The following SCN4A variants were observed in gnomAD, a reference collection of about 807,000 sequenced individuals.
SCN4A encodes the protein sodium voltage-gated channel alpha subunit 4, also known as sodium channel protein type 4 subunit alpha.
Under a neutral mutation model 162.0 loss-of-function variants are expected in SCN4A, and 83 were observed. That is an observed-to-expected ratio of 0.51 (90% CI 0.43 to 0.61). The LOEUF (loss-of-function observed/expected upper bound fraction) is 0.61. SCN4A is among the 20% of genes least tolerant of loss of function. The pLI is 0.00. For missense variants in SCN4A, 2,196 were observed against 2,462.5 expected (o/e 0.89, Z 2.29); for synonymous variants, 944 against 985.1 (o/e 0.96, Z 0.78).
chr17:63,971,355 A>C, intron 4 of SCN4A, 102 bp from the exon 5 acceptor site: 4 of 722,232 alleles, frequency 5.5e-6, no homozygotes, highest in Non-Finnish European at 7.3e-6. Flanking sequence ...TTCCCAAGAA[A>C]TTGGGGGTAC....
At position 63,964,406 on chromosome 17, in the gene SCN4A, G is replaced by A. The variant is rs1474219601; in HGVS notation, c.1452+62C>T. 15 of 1,478,998 alleles carry A rather than the reference G, an allele frequency of 1.0e-5. No homozygotes were observed. The Middle Eastern group carries it at 5.2e-4, about 51-fold the overall frequency. The allele number at this position is 1,478,998 out of a possible 1,614,324, so 91.6% of individuals were successfully genotyped here. ...TCGGCCCCCCAGGGAGAAGCCAGTGGCAGCCCCGGCTGAGGGCAGGTAGAA... is the reference window on the plus strand; with the variant it reads ...TCGGCCCCCCAGGGAGAAGCCAGTGACAGCCCCGGCTGAGGGCAGGTAGAA... On this transcript the variant is annotated intron_variant, in intron 9 of 23. Transcript: ENST00000435607.
At chr17:63,971,888 C>T in intron 3 of SCN4A, 38 bp from the exon 4 acceptor site, 2 of 1,609,824 alleles carry the variant, frequency 1.2e-6, no homozygotes, top group Non-Finnish European at 1.7e-6. Flanking sequence ...GGCATGTCAC[C>T]TGGGTAGGGG....
chr17:63,943,122 G>C, intron 22 of SCN4A, 26 bp from the exon 23 acceptor site: 1 of 1,596,656 alleles, frequency 6.3e-7, no homozygotes, highest in Non-Finnish European at 8.6e-7. Context: ...GAGTGGATGT[G>C]GAGGAGTTGG....
Position 63,947,908 on chromosome 17 carries a change from G to C in SCN4A, c.3300C>G (p.Leu1100=). Residue 1100 remains leucine (L), a synonymous_variant, in exon 17 of 24, where the codon CTC becomes CTG. Transcript: ENST00000435607. ...KVYFTNAWCW[L]DFLIVDVSII... ...GACTCACATCCACGATGAGGAAGTC[G>C]AGCCAGCACCAGGCGTTGGTGAAGT... 1 of 1,613,570 alleles carries C rather than the reference G, an allele frequency of 6.2e-7. No homozygotes were observed. Among genetic ancestry groups the C allele is most frequent in the Non-Finnish European group, 8.5e-7 (1 of 1,179,658 alleles).
At chr17:63,955,464 C>T (rs1029657445) in intron 13 of SCN4A, among the ~76,000 whole-genome samples, 1 of 152,218 alleles carries the variant, frequency 6.6e-6, no homozygotes, top group Non-Finnish European at 1.5e-5. Context: ...TGCAACCACC[C>T]AGTGAAAGAG....
At position 63,951,705 on chromosome 17, in the gene SCN4A, G is replaced by C. The variant is rs746992482; in HGVS notation, c.2572C>G (p.Leu858Val). 1 of 1,597,472 alleles carries C rather than the reference G, an allele frequency of 6.3e-7. No individual in the cohort carries two copies. The highest frequency in any genetic ancestry group is 1.1e-5 in the South Asian group (1 of 88,724). The change falls in exon 14 of 24, where the codon CTC becomes GTC. Residue 858 changes from leucine to valine, a missense_variant. By Grantham distance (32) the Leu-to-Val change is conservative. Coordinates refer to ENST00000435607, the MANE Select transcript of SCN4A (RefSeq NM_000334.4). This position sits in a 1 kb window ranked among gnomAD's most constrained non-coding sequence, Gnocchi z 4.5. ...TCCCCGGCCCCGTCAGCCTCCCCGA[G>C]GCTGAGCATGATGTCCTTGGGGCTC... The part of the protein sequence containing the change: ...ILSPKDIMLS[L>V]GEADGAGEAG...
rs757581920 is a variant in SCN4A at position 63,972,326 on chromosome 17, C to T, written c.392+26G>A. On this transcript the variant is annotated intron_variant, in intron 2 of 23. Transcript: ENST00000435607. This position sits in a 1 kb window ranked among gnomAD's most constrained non-coding sequence, Gnocchi z 4.3. ...CATCTCGCCCATCCCTAACCCCTCC[C>T]GCCTCTCCCATCTTGGGCAGGATAT... The T allele has an allele frequency of 2.7e-5, 44 of 1,606,216 alleles. No individual in the cohort carries two copies. Among genetic ancestry groups the T allele is most frequent in the African/African-American group, 1.9e-4 (14 of 74,796 alleles).
rs770258508 is a variant in SCN4A at position 63,948,839 on chromosome 17, G to A, written c.2990-74C>T. The A allele has an allele frequency of 2.0e-5, 27 of 1,376,032 alleles. 1 individual carries two copies. The highest frequency in any genetic ancestry group is 1.5e-4 in the South Asian group (10 of 68,790). 85.2% of individuals were successfully genotyped at this position (1,376,032 alleles called of 1,614,324 possible). A position where few individuals can be genotyped will look rare whatever the true frequency, so the allele number is the denominator to read the frequency against. On this transcript the variant is annotated intron_variant, in intron 15 of 23. Coordinates refer to ENST00000435607, the MANE Select transcript of SCN4A (RefSeq NM_000334.4). ...GGTTGCCTTGGGGTGCACAGTCAGC[G>A]CCCTCCCATGGCATCCCAGGATGCC...
intron 12 of SCN4A, among the ~76,000 whole-genome samples, chr17:63,958,616 G>C (rs1189311584): frequency 6.6e-6 from 1 of 152,064 alleles, no homozygotes; most frequent in Non-Finnish European, 1.5e-5. Flanking sequence ...GCAGTGGTGC[G>C]ATCTCGGCTC....
At chr17:63,968,425 C>T in intron 5 of SCN4A, 70 bp from the exon 6 acceptor site, 2 of 1,302,270 alleles carry the variant, frequency 1.5e-6, no homozygotes, top group East Asian at 2.3e-5. Flanking sequence ...CCGCGGCCCC[C>T]ACCGCCAAGC....
intron 6 of SCN4A, among the ~76,000 whole-genome samples, chr17:63,967,680 C>G (rs1190268097): frequency 1.3e-5 from 2 of 151,820 alleles, no homozygotes; most frequent in African/African-American, 4.8e-5. Flanking sequence ...CGCCTGTAAT[C>G]CCAGCACTTT....
rs1336954197 is a variant in SCN4A at position 63,947,161 on chromosome 17, T to G, written c.3325A>C (p.Ile1109Leu). The G allele has an allele frequency of 6.2e-7, 1 of 1,613,280 alleles. No individual in the cohort carries two copies. The highest frequency in any genetic ancestry group is 1.7e-5 in the Admixed American group (1 of 60,006). Residue 1109 changes from isoleucine (I) to leucine (L), a missense_variant, in exon 18 of 24, where the codon ATC (isoleucine) becomes CTC (leucine). Coordinates refer to ENST00000435607, the MANE Select transcript of SCN4A (RefSeq NM_000334.4). ...WLDFLIVDVS[I>L]ISLVANWLGY... ...AGCCAGTTGGCCACCAAGCTGATGA[T>G]GGAGACCTGCAGGGGAGGGGTGAGG... is the stretch of plus-strand genomic sequence containing the variant.
chr17:63,971,837 C>T lies in SCN4A; in HGVS notation c.496G>A (p.Gly166Arg). The T allele has an allele frequency of 2.5e-6, 4 of 1,613,544 alleles. 1 individual carries two copies. In the South Asian group the frequency reaches 4.4e-5, roughly 18 times the overall value. Residue 166 changes from glycine to arginine, a missense_variant, in exon 4 of 24, where the codon GGG (glycine) becomes AGG (arginine). By Grantham distance (125) the Gly-to-Arg change is moderately radical (BLOSUM62 -2). Coordinates refer to ENST00000435607, the MANE Select transcript of SCN4A (RefSeq NM_000334.4). Reference sequence around the variant, plus strand: ...ATGAGGGACTCAAAGGTGTAGATCCCTGTGAAGGTGTACCTGGGGGGGAGA... The same window carrying T: ...ATGAGGGACTCAAAGGTGTAGATCCTTGTGAAGGTGTACCTGGGGGGGAGA... ...WSKNVEYTFT[G>R]IYTFESLIKI...
rs747096133 is a variant in SCN4A, at chr17:63,951,571, G to T, written c.2706C>A (p.Gly902=). ...GGTCCAGCTCGAGGCTGGATGGGGGGCCGTCAGCCAGGCCCATGTGGTTCA... is the reference window on the plus strand; with the variant it reads ...GGTCCAGCTCGAGGCTGGATGGGGGTCCGTCAGCCAGGCCCATGTGGTTCA... ...HILNHMGLAD[G]PPSSLELDHL... The change falls in exon 14 of 24, where the codon GGC becomes GGA. Residue 902 remains glycine (G), a synonymous_variant. Transcript: ENST00000435607. The surrounding 1 kb of genome is among the most constrained non-coding windows in gnomAD (Gnocchi z 4.5). 5 of 1,613,970 alleles carry T rather than the reference G, an allele frequency of 3.1e-6. No homozygotes were observed. Among genetic ancestry groups the T allele is most frequent in the Non-Finnish European group, 3.4e-6 (4 of 1,179,862 alleles).
chr17:63,959,538 G>T (rs547453178), intron 11 of SCN4A, 100 bp from the exon 12 acceptor site: 3 of 1,091,296 alleles, frequency 2.7e-6, no homozygotes, highest in South Asian at 1.4e-5. Flanking sequence ...CTGCGGGGGC[G>T]GAGGGGAAGG....
chr17:63,971,354 A>C, intron 4 of SCN4A, 101 bp from the exon 5 acceptor site: 1 of 727,642 alleles, frequency 1.4e-6, no homozygotes, highest in South Asian at 1.5e-5. Context: ...ATTCCCAAGA[A>C]ATTGGGGGTA....
In SCN4A at chr17:63,949,510, A is replaced by G; in HGVS notation, c.2872T>C (p.Tyr958His). The G allele has an allele frequency of 6.2e-7, 1 of 1,610,770 alleles. No homozygotes were observed. The highest frequency in any genetic ancestry group is 1.1e-5 in the South Asian group (1 of 90,908). Reference protein sequence around the residue: ...EDSKKPPQPLYDGNSSVCSTA... With the variant: ...EDSKKPPQPLHDGNSSVCSTA... ...CTGCAGACGGACGAGTTCCCATCAT[A>G]GAGAGGCTGCGGCGGCTTCTGCGGA... is the stretch of plus-strand genomic sequence containing the variant. Residue 958 changes from tyrosine (Y) to histidine (H), a missense_variant, in exon 15 of 24, where the codon TAT becomes CAT. Tyr to His is a moderately conservative substitution (Grantham distance 83). Coordinates refer to ENST00000435607, the MANE Select transcript of SCN4A (RefSeq NM_000334.4).
chr17:63,965,172 G>C (rs1017501430), intron 8 of SCN4A, among the ~76,000 whole-genome samples: 15 of 151,992 alleles, frequency 9.9e-5, no homozygotes, highest in Non-Finnish European at 8.8e-5. Context: ...AGTCTCCTGA[G>C]TAGCTGGGAT....
chr17:63,951,705 G>A lies in SCN4A; in HGVS notation c.2572C>T (p.Leu858Phe). The change falls in exon 14 of 24, where the codon CTC becomes TTC. Residue 858 changes from leucine (L) to phenylalanine (F), a missense_variant. Physicochemically the swap from Leu to Phe is conservative, Grantham distance 22. Coordinates refer to ENST00000435607, the MANE Select transcript of SCN4A (RefSeq NM_000334.4). This position sits in a 1 kb window ranked among gnomAD's most constrained non-coding sequence, Gnocchi z 4.5. The part of the protein sequence containing the change: ...ILSPKDIMLS[L>F]GEADGAGEAG... ...TCCCCGGCCCCGTCAGCCTCCCCGAGGCTGAGCATGATGTCCTTGGGGCTC... is the reference window on the plus strand; with the variant it reads ...TCCCCGGCCCCGTCAGCCTCCCCGAAGCTGAGCATGATGTCCTTGGGGCTC... 1 of 1,597,472 alleles carries A rather than the reference G, an allele frequency of 6.3e-7. No individual in the cohort carries two copies. The highest frequency in any genetic ancestry group is 8.5e-7 in the Non-Finnish European group (1 of 1,171,838).
Sources: allele counts gnomAD v4.1 joint callset (sites outside exome capture counted in the v4.1 genomes callset), GRCh38; gene constraint gnomAD v4.1.1; non-coding constraint Gnocchi (gnomAD v3.1); transcripts MANE v1.5; gene names NCBI Gene and HGNC (gene_info 2026-07-23, HGNC 2026-07-21).